RCAN1: variants seen among roughly 807,000 people sequenced by gnomAD.
The protein encoded by RCAN1 is calcipressin-1.
RCAN1 carries 11 observed loss-of-function variants against 22.9 expected under a neutral mutation model. The ratio of observed to expected loss-of-function variants is 0.48; its 90% CI spans 0.30 to 0.79. The LOEUF (loss-of-function observed/expected upper bound fraction) is 0.79, where lower values mean the gene tolerates loss of function less well. Among genes scored for constraint, RCAN1 ranks in the 30% least tolerant of loss-of-function variants. RCAN1 has a pLI of 0.06. For synonymous variants in RCAN1, 136 were observed against 142.3 expected, an observed-to-expected ratio of 0.96 and a Z score of 0.32; for missense variants, 291 against 337.8, an observed-to-expected ratio of 0.86 and a Z score of 1.09.
At chr21:34,602,660 A>C (rs1278601765) in intron 1 of RCAN1, among the ~76,000 whole-genome samples, 1 of 152,160 alleles carries the variant, frequency 6.6e-6, no homozygotes. Context: ...GAACACTGTC[A>C]CTACTTGACT....
At chr21:34,526,656 G>T in intron 1 of RCAN1, 3 of 1,612,414 alleles carry the variant, frequency 1.9e-6, no homozygotes, top group Non-Finnish European at 2.5e-6. Flanking sequence ...TATATTAGAA[G>T]CCTTACCCTG....
intron 1 of RCAN1, among the ~76,000 whole-genome samples, chr21:34,579,896 G>T (rs1289751787): frequency 1.3e-5 from 2 of 152,150 alleles, no homozygotes; most frequent in Non-Finnish European, 2.9e-5. Flanking sequence ...TTGAGCAGAA[G>T]AATATTTTTT....
At chr21:34,608,129 T>C (rs1478131337) in intron 1 of RCAN1, among the ~76,000 whole-genome samples, 1 of 152,204 alleles carries the variant, frequency 6.6e-6, no homozygotes, top group Non-Finnish European at 1.5e-5. Flanking sequence ...GTGAGTTGTA[T>C]AATTATTTTA....
chr21:34,553,023 C>T (rs1004967761), intron 1 of RCAN1, among the ~76,000 whole-genome samples: 3 of 152,174 alleles, frequency 2.0e-5, no homozygotes, highest in African/African-American at 7.2e-5. Context: ...CTAAACACAG[C>T]ACAACACAGG....
rs929723010 is a variant in RCAN1, at chr21:34,532,124, C to T, written c.253-8414G>A. On this transcript the variant is annotated intron_variant, in intron 1 of 3. Transcript: ENST00000313806. ...AGAGGAGGCATCGGGGTAAAGAGGA[C>T]TCTGGCTAAGCTGACCTAATAGGAT... Among the ~76,000 whole-genome samples the T allele has an allele frequency of 9.2e-5, 14 of 152,192 alleles. No individual in the cohort carries two copies. The East Asian group carries it at 2.7e-3, about 29-fold the overall frequency.
intron 1 of RCAN1, among the ~76,000 whole-genome samples, chr21:34,583,806 AACC>A (rs1483591834): frequency 6.6e-6 from 1 of 152,208 alleles, no homozygotes; most frequent in Non-Finnish European, 1.5e-5. Flanking sequence ...TGACAAAGTT[AACC>A]ACAAGTTAGA....
At chr21:34,604,823 C>T (rs1170143700) in intron 1 of RCAN1, among the ~76,000 whole-genome samples, 3 of 152,142 alleles carry the variant, frequency 2.0e-5, no homozygotes, top group Non-Finnish European at 4.4e-5. Flanking sequence ...GCTGGTTTTG[C>T]AACCAGCACA....
intron 1 of RCAN1, among the ~76,000 whole-genome samples, chr21:34,556,363 C>T (rs920096007): frequency 5.4e-5 from 8 of 147,846 alleles, no homozygotes; most frequent in Non-Finnish European, 1.2e-4. Flanking sequence ...GAGGTCGAGG[C>T]TGCAGTGAGC....
At position 34,614,506 on chromosome 21, in the gene RCAN1, G is replaced by A; in HGVS notation, c.252+254C>T. 3 of 1,041,798 alleles carry A rather than the reference G, an allele frequency of 2.9e-6. No homozygotes were observed. Among genetic ancestry groups the A allele is most frequent in the Non-Finnish European group, 3.5e-6 (3 of 866,180 alleles). 64.5% of individuals were successfully genotyped at this position (1,041,798 alleles called of 1,614,324 possible). A position where few individuals can be genotyped will look rare whatever the true frequency, so the allele number is the denominator to read the frequency against. ...CCCCCCTAGTCGCACCAGCCTGGGCGCACACGGGGGCCGGGGCGAGCCTGT... is the reference window on the plus strand; with the variant it reads ...CCCCCCTAGTCGCACCAGCCTGGGCACACACGGGGGCCGGGGCGAGCCTGT... On this transcript the variant is annotated intron_variant, in intron 1 of 3. Transcript: ENST00000313806. The surrounding 1 kb of genome is among the most constrained non-coding windows in gnomAD (Gnocchi z 6.0).
intron 1 of RCAN1, chr21:34,526,753 G>A: frequency 1.2e-6 from 2 of 1,611,640 alleles, no homozygotes; most frequent in Non-Finnish European, 1.7e-6. Flanking sequence ...AATGCATCTT[G>A]CTTTCTTACA....
intron 1 of RCAN1, among the ~76,000 whole-genome samples, chr21:34,549,078 C>A (rs1244647468): frequency 1.3e-5 from 2 of 152,204 alleles, no homozygotes; most frequent in Non-Finnish European, 2.9e-5. Context: ...GCCTGAAGCT[C>A]TTCATCAGTC....
chr21:34,582,502 G>A (rs934625050), intron 1 of RCAN1, among the ~76,000 whole-genome samples: 1 of 152,084 alleles, frequency 6.6e-6, no homozygotes, highest in Non-Finnish European at 1.5e-5. Context: ...AGAACCTTCC[G>A]GGAATTCCAG....
rs905046274 is a variant in RCAN1, at chr21:34,517,516, AC to A, written c.*567del. On this transcript the variant is annotated 3_prime_UTR_variant, in exon 4 of 4. Transcript: ENST00000313806. ...CTGGCTTCCCAAAAGATGTAAAACA[AC>A]AACGGTGTAACTTTATATACGAACA... 34 of 152,292 alleles carry A rather than the reference AC, an allele frequency of 2.2e-4. No individual in the cohort carries two copies. Among genetic ancestry groups the A allele is most frequent in the African/African-American group, 7.5e-4 (31 of 41,478 alleles). 9.4% of individuals were successfully genotyped at this position (152,292 alleles called of 1,614,324 possible). A position where few individuals can be genotyped will look rare whatever the true frequency, so the allele number is the denominator to read the frequency against.
chr21:34,556,282 C>T lies in RCAN1; in HGVS notation c.253-32572G>A, dbSNP rs143119017. On this transcript the variant is annotated intron_variant, in intron 1 of 3. Coordinates refer to ENST00000313806, the MANE Select transcript of RCAN1 (RefSeq NM_004414.7). Reference sequence around the variant, plus strand: ...CTCTACAAAAAATAGAAAAATTAGCCGGACATGGTGGTGTGCGCCTCTAGT... The same window carrying T: ...CTCTACAAAAAATAGAAAAATTAGCTGGACATGGTGGTGTGCGCCTCTAGT... Among the ~76,000 whole-genome samples, 641 of 150,740 alleles carry T rather than the reference C, an allele frequency of 4.3e-3. 3 individuals carry two copies. Among genetic ancestry groups the T allele is most frequent in the African/African-American group, 0.015 (612 of 41,212 alleles).
chr21:34,566,176 C>G (rs1987000172), intron 1 of RCAN1, among the ~76,000 whole-genome samples: 2 of 152,174 alleles, frequency 1.3e-5, no homozygotes, highest in Admixed American at 6.5e-5. Flanking sequence ...AACCATGTGG[C>G]ATGTGGCTGG....
intron 1 of RCAN1, among the ~76,000 whole-genome samples, chr21:34,564,453 T>G: frequency 6.6e-6 from 1 of 152,196 alleles, no homozygotes; most frequent in East Asian, 1.9e-4. Context: ...AGGCTGCGAT[T>G]TGGGGGAAGA....
intron 1 of RCAN1, among the ~76,000 whole-genome samples, chr21:34,552,335 T>C (rs1986399457): frequency 6.6e-6 from 1 of 152,204 alleles, no homozygotes; most frequent in Non-Finnish European, 1.5e-5. Flanking sequence ...GTGACTCCTG[T>C]ACATAGTAAG....
chr21:34,581,537 G>A (rs1987608526), intron 1 of RCAN1, among the ~76,000 whole-genome samples: 1 of 152,134 alleles, frequency 6.6e-6, no homozygotes, highest in South Asian at 2.1e-4. Flanking sequence ...AGAAGGAGGA[G>A]GAGGAAACAG....
chr21:34,530,756 T>G (rs562219093), intron 1 of RCAN1, among the ~76,000 whole-genome samples: 92 of 151,454 alleles, frequency 6.1e-4, no homozygotes, highest in Non-Finnish European at 1.0e-3. Flanking sequence ...TCCCAAGTAG[T>G]TGGGATTACA....
Sources: allele counts gnomAD v4.1 joint callset (sites outside exome capture counted in the v4.1 genomes callset), GRCh38; gene constraint gnomAD v4.1.1; non-coding constraint Gnocchi (gnomAD v3.1); transcripts MANE v1.5; gene names NCBI Gene and HGNC (gene_info 2026-07-23, HGNC 2026-07-21).